FBXL17: variants seen among roughly 807,000 people sequenced by gnomAD.
FBXL17 encodes F-box/LRR-repeat protein 17.
A neutral mutation model predicts 66.2 loss-of-function variants in FBXL17; 22 were observed. The observed-to-expected ratio is 0.33, with a 90% CI of 0.24 to 0.47. FBXL17 has a LOEUF of 0.47. FBXL17 is among the 20% of genes least tolerant of loss of function. FBXL17 has a pLI of 1.00. For synonymous variants in FBXL17, 474 were observed against 400.5 expected, an observed-to-expected ratio of 1.18 and a Z score of -2.19; for missense variants, 878 against 948.2, an observed-to-expected ratio of 0.93 and a Z score of 0.97.
At chr5:108,151,152 T>C (rs1463673817) in intron 6 of FBXL17, among the ~76,000 whole-genome samples, 3 of 152,172 alleles carry the variant, frequency 2.0e-5, no homozygotes, top group African/African-American at 7.2e-5. Flanking sequence ...TTTAGAACTT[T>C]ATCTGAATTA....
intron 7 of FBXL17, among the ~76,000 whole-genome samples, chr5:108,009,583 A>G (rs1754100425): frequency 6.6e-6 from 1 of 151,862 alleles, no homozygotes; most frequent in African/African-American, 2.4e-5. Context: ...GTATTTATTT[A>G]ATGTCATGCA....
At chr5:107,943,308 G>A (rs895960916) in intron 7 of FBXL17, among the ~76,000 whole-genome samples, 8 of 152,064 alleles carry the variant, frequency 5.3e-5, no homozygotes, top group African/African-American at 1.9e-4. Context: ...CCCTCACTAA[G>A]CCTCCTTCCC....
chr5:108,365,709 A>T (rs1240523267), intron 2 of FBXL17, among the ~76,000 whole-genome samples: 2 of 152,200 alleles, frequency 1.3e-5, no homozygotes, highest in East Asian at 3.9e-4. Context: ...TGATATCTGA[A>T]GTGTGGGTAG....
intron 8 of FBXL17, among the ~76,000 whole-genome samples, chr5:107,868,814 G>C (rs1048978188): frequency 1.3e-5 from 2 of 152,218 alleles, no homozygotes; most frequent in Non-Finnish European, 2.9e-5. Flanking sequence ...GAAGGACAAA[G>C]AGGTGTCAGC....
chr5:108,264,844 G>A (rs1187262596), intron 4 of FBXL17, among the ~76,000 whole-genome samples: 1 of 150,844 alleles, frequency 6.6e-6, no homozygotes, highest in Non-Finnish European at 1.5e-5. Flanking sequence ...AATTACTTTC[G>A]ACTTCCTTAG....
Position 108,305,357 on chromosome 5 carries a change from G to C in FBXL17, c.1506+43042C>G, listed in dbSNP as rs1420463880. Among the ~76,000 whole-genome samples, 3 of 151,982 alleles carry C rather than the reference G, an allele frequency of 2.0e-5. No individual in the cohort carries two copies. In the East Asian group the frequency reaches 5.8e-4, roughly 29 times the overall value. ...GTAGGGAAAGCATCAGGGAAGAATA[G>C]CTAATGGATGCTGGACTTAATAACT... On this transcript the variant is annotated intron_variant, in intron 4 of 8. Coordinates refer to ENST00000542267, the MANE Select transcript of FBXL17 (RefSeq NM_001163315.3).
chr5:108,004,088 T>C (rs1753838477), intron 7 of FBXL17, among the ~76,000 whole-genome samples: 1 of 151,988 alleles, frequency 6.6e-6, no homozygotes, highest in African/African-American at 2.4e-5. Flanking sequence ...AAAAAGACAA[T>C]TACTAACAAA....
At chr5:108,158,494 CGTGT>C (rs767320754) in intron 6 of FBXL17, among the ~76,000 whole-genome samples, 26 of 118,708 alleles carry the variant, frequency 2.2e-4, no homozygotes, top group African/African-American at 4.9e-4. Flanking sequence ...GACAGTGGGG[CGTGT>C]GTGTGTGTGT....
intron 4 of FBXL17, among the ~76,000 whole-genome samples, chr5:108,246,024 A>G (rs1756080010): frequency 6.6e-6 from 1 of 152,172 alleles, no homozygotes; most frequent in East Asian, 1.9e-4. Context: ...GTGCCTCACA[A>G]TGTCTGTCTC....
At chr5:108,291,826 A>G (rs1758124150) in intron 4 of FBXL17, among the ~76,000 whole-genome samples, 1 of 152,188 alleles carries the variant, frequency 6.6e-6, no homozygotes, top group Non-Finnish European at 1.5e-5. Context: ...GTCAGTCTTG[A>G]GTACTGCAAA....
At chr5:107,986,353 T>G (rs1441970017) in intron 7 of FBXL17, among the ~76,000 whole-genome samples, 1 of 151,730 alleles carries the variant, frequency 6.6e-6, no homozygotes, top group Non-Finnish European at 1.5e-5. Context: ...CCCTAGCAAA[T>G]TAATCTTTTT....
chr5:107,952,412 T>G (rs1318281831), intron 7 of FBXL17, among the ~76,000 whole-genome samples: 1 of 152,200 alleles, frequency 6.6e-6, no homozygotes, highest in Non-Finnish European at 1.5e-5. Context: ...AAAGTTTACT[T>G]GTTATTTGCA....
intron 7 of FBXL17, among the ~76,000 whole-genome samples, chr5:107,963,240 C>T (rs570899252): frequency 2.6e-5 from 4 of 152,230 alleles, no homozygotes; most frequent in African/African-American, 7.2e-5. Flanking sequence ...TGCCCATCCA[C>T]CCATACATTG....
At chr5:108,244,220 A>G (rs1160032258) in intron 4 of FBXL17, among the ~76,000 whole-genome samples, 1 of 152,066 alleles carries the variant, frequency 6.6e-6, no homozygotes, top group Non-Finnish European at 1.5e-5. Flanking sequence ...CCTTTTGCCC[A>G]TTCTCATATC....
intron 7 of FBXL17, among the ~76,000 whole-genome samples, chr5:107,929,854 A>T (rs960403814): frequency 1.4e-4 from 22 of 151,922 alleles, no homozygotes; most frequent in African/African-American, 4.8e-4. Flanking sequence ...GATGGGAGCT[A>T]GCAATTGCAA....
intron 7 of FBXL17, among the ~76,000 whole-genome samples, chr5:107,893,436 G>T (rs1245474941): frequency 1.3e-5 from 2 of 152,100 alleles, no homozygotes; most frequent in Non-Finnish European, 2.9e-5. Context: ...CACTTACATG[G>T]ACCTATACAT....
intron 5 of FBXL17, among the ~76,000 whole-genome samples, chr5:108,214,957 T>C (rs1226070101): frequency 6.6e-6 from 1 of 152,146 alleles, no homozygotes; most frequent in African/African-American, 2.4e-5. Flanking sequence ...ACAAATCATA[T>C]AGAAAAATAG....
At chr5:108,231,168 G>A (rs775146265) in intron 4 of FBXL17, among the ~76,000 whole-genome samples, 8 of 152,026 alleles carry the variant, frequency 5.3e-5, no homozygotes, top group Non-Finnish European at 1.0e-4. Context: ...GCTTTATTGA[G>A]GTACAACTTA....
At chr5:107,890,972 A>C (rs902106049) in intron 7 of FBXL17, among the ~76,000 whole-genome samples, 2 of 152,194 alleles carry the variant, frequency 1.3e-5, no homozygotes, top group Admixed American at 6.5e-5. Context: ...GGTCTTGTGG[A>C]GCTTGTATTC....
Sources: gnomAD v4.1 joint callset for allele counts (sites outside exome capture counted in the v4.1 genomes callset) on GRCh38, gnomAD v4.1.1 for gene constraint, MANE v1.5 for transcripts, NCBI Gene and HGNC (gene_info 2026-07-23, HGNC 2026-07-21) for gene names.